The following LRMDA variants were observed in gnomAD, a reference collection of about 807,000 sequenced individuals.
The protein encoded by LRMDA is leucine-rich melanocyte differentiation-associated protein.
In LRMDA, 18 loss-of-function variants were observed where a neutral mutation model predicts 29.8. That is an observed-to-expected ratio of 0.60 (90% CI 0.42 to 0.90). The LOEUF (loss-of-function observed/expected upper bound fraction) is 0.90. Ranked by LOEUF, LRMDA falls within the 40% of genes least tolerant of loss-of-function variation. The pLI, the probability that LRMDA is intolerant of heterozygous loss-of-function variation, is 0.00. For synonymous variants in LRMDA, 125 were observed against 109.4 expected, an observed-to-expected ratio of 1.14 and a Z score of -0.89; for missense variants, 273 against 273.9, an observed-to-expected ratio of 1.00 and a Z score of 0.02.
intron 2 of LRMDA, among the ~76,000 whole-genome samples, chr10:75,984,252 C>T (rs1019442901): frequency 6.6e-6 from 1 of 151,098 alleles, no homozygotes; most frequent in East Asian, 1.9e-4. Flanking sequence ...GCCAGGCTGC[C>T]TGGAATTCTT....
chr10:76,543,801 T>C (rs942654373), intron 6 of LRMDA, among the ~76,000 whole-genome samples: 1 of 152,196 alleles, frequency 6.6e-6, no homozygotes, highest in Non-Finnish European at 1.5e-5. Context: ...TTTTGCCCTC[T>C]TCTTTCCTTT....
At chr10:75,886,076 G>T (rs1375737384) in intron 2 of LRMDA, among the ~76,000 whole-genome samples, 1 of 152,236 alleles carries the variant, frequency 6.6e-6, no homozygotes, top group South Asian at 2.1e-4. Context: ...ACCTAGTTTT[G>T]CTTTCCTTCC....
intron 5 of LRMDA, among the ~76,000 whole-genome samples, chr10:76,184,026 T>C (rs1376745371): frequency 1.4e-5 from 2 of 146,030 alleles, no homozygotes; most frequent in African/African-American, 2.5e-5. Context: ...CCGGCCCTAC[T>C]TTATTTATTT....
chr10:76,043,113 C>T (rs956840044), intron 3 of LRMDA, among the ~76,000 whole-genome samples: 3 of 151,884 alleles, frequency 2.0e-5, no homozygotes, highest in Non-Finnish European at 2.9e-5. Flanking sequence ...CAGAGTGAGA[C>T]TCTGTCTCAA....
At chr10:75,989,723 A>G (rs76753020) in intron 2 of LRMDA, among the ~76,000 whole-genome samples, 156 of 152,344 alleles carry the variant, frequency 1.0e-3, no homozygotes, top group African/African-American at 3.6e-3. Flanking sequence ...CACTTTGCAG[A>G]TGAGAAAGGT....
At chr10:76,310,194 C>T (rs758794660) in intron 5 of LRMDA, among the ~76,000 whole-genome samples, 27 of 152,166 alleles carry the variant, frequency 1.8e-4, no homozygotes, top group South Asian at 2.1e-4. Flanking sequence ...TGAATGCCAG[C>T]TCATTATTTT....
chr10:75,619,313 C>T (rs1841150401), intron 2 of LRMDA, among the ~76,000 whole-genome samples: 2 of 152,110 alleles, frequency 1.3e-5, no homozygotes, highest in Non-Finnish European at 2.9e-5. Context: ...ACCCCCTATC[C>T]TGTTGTCCTG....
At chr10:75,475,523 G>C (rs1844780386) in intron 2 of LRMDA, among the ~76,000 whole-genome samples, 1 of 152,208 alleles carries the variant, frequency 6.6e-6, no homozygotes. Context: ...GTCAAGTAAA[G>C]TAGTCTTTGC....
At position 75,558,764 on chromosome 10, in the gene LRMDA, G is replaced by C. The variant is rs563501182; in HGVS notation, c.131+120270G>C. ...TTCTCATTGTTCAATTTCCACCTAT[G>C]AGTGAGAACATGTGGTGTTTGGTTT... On this transcript the variant is annotated intron_variant, in intron 2 of 6. Transcript: ENST00000611255. Among the ~76,000 whole-genome samples, 112 of 148,918 alleles carry C rather than the reference G, an allele frequency of 7.5e-4. 1 individual carries two copies. The highest frequency in any genetic ancestry group is 1.4e-4 in the Admixed American group (2 of 14,786).
At chr10:76,465,602 G>A (rs1429654533) in intron 6 of LRMDA, among the ~76,000 whole-genome samples, 1 of 152,130 alleles carries the variant, frequency 6.6e-6, no homozygotes, top group Non-Finnish European at 1.5e-5. Flanking sequence ...GACCACTCCT[G>A]GACACTAGCG....
chr10:76,236,715 T>C (rs1353734797), intron 5 of LRMDA, among the ~76,000 whole-genome samples: 2 of 152,232 alleles, frequency 1.3e-5, no homozygotes, highest in Admixed American at 6.5e-5. Context: ...GCCATGAACA[T>C]CAGGCAGCAA....
chr10:75,493,278 G>A (rs1411687326), intron 2 of LRMDA, among the ~76,000 whole-genome samples: 2 of 151,922 alleles, frequency 1.3e-5, no homozygotes, highest in Admixed American at 1.3e-4. Flanking sequence ...GTTGGGAAGT[G>A]AGCGGAATTC....
At chr10:75,986,383 A>G (rs1847262489) in intron 2 of LRMDA, among the ~76,000 whole-genome samples, 1 of 152,250 alleles carries the variant, frequency 6.6e-6, no homozygotes, top group Admixed American at 6.5e-5. Context: ...ACAAAAACAG[A>G]AACAACAATT....
At chr10:76,091,276 C>CATGTGTGTGT (rs919922502) in intron 5 of LRMDA, among the ~76,000 whole-genome samples, 11 of 146,908 alleles carry the variant, frequency 7.5e-5, no homozygotes, top group African/African-American at 2.3e-4. Flanking sequence ...ACATGGTGGA[C>CATGTGTGTGT]GTGTGTGTGT....
chr10:75,555,372 C>T (rs1840201257), intron 2 of LRMDA, among the ~76,000 whole-genome samples: 1 of 152,060 alleles, frequency 6.6e-6, no homozygotes, highest in Admixed American at 6.6e-5. Flanking sequence ...CTTGGATAAC[C>T]AGAGACTAGA....
chr10:76,470,647 T>A (rs1842608790), intron 6 of LRMDA, among the ~76,000 whole-genome samples: 1 of 151,976 alleles, frequency 6.6e-6, no homozygotes, highest in African/African-American at 2.4e-5. Context: ...CTCAAAAGGA[T>A]AAATATTATA....
chr10:76,183,919 C>T (rs542487600), intron 5 of LRMDA, among the ~76,000 whole-genome samples: 41 of 152,300 alleles, frequency 2.7e-4, no homozygotes, highest in Admixed American at 2.1e-3. Flanking sequence ...CTGGGTCTTG[C>T]TCTGTTGCCC....
chr10:76,391,062 T>G (rs1437658220), intron 6 of LRMDA, among the ~76,000 whole-genome samples: 2 of 152,180 alleles, frequency 1.3e-5, no homozygotes, highest in African/African-American at 4.8e-5. Context: ...TTTCATAAAA[T>G]TATTCACAAT....
At chr10:76,146,339 G>A (rs1259980919) in intron 5 of LRMDA, among the ~76,000 whole-genome samples, 3 of 151,798 alleles carry the variant, frequency 2.0e-5, no homozygotes, top group Non-Finnish European at 4.4e-5. Context: ...TCTCTTTGTA[G>A]GTCACTCAGG....
Sources: allele counts gnomAD v4.1 joint callset (sites outside exome capture counted in the v4.1 genomes callset), GRCh38; gene constraint gnomAD v4.1.1; transcripts MANE v1.5; gene names NCBI Gene and HGNC (gene_info 2026-07-23, HGNC 2026-07-21).